The following HTR2C variants were observed in gnomAD, a reference collection of about 807,000 sequenced individuals.
The protein encoded by HTR2C is 5-hydroxytryptamine receptor 2C.
In HTR2C, 5 loss-of-function variants were observed where a neutral mutation model predicts 21.0. The observed-to-expected ratio is 0.24, with a 90% CI of 0.12 to 0.50. The LOEUF (loss-of-function observed/expected upper bound fraction) is 0.50, where lower values mean the gene tolerates loss of function less well. Among genes scored for constraint, HTR2C ranks in the 20% least tolerant of loss-of-function variants. The probability of loss-of-function intolerance (pLI) is 0.98; values close to 1 mark genes in which losing one functional copy is unlikely to be tolerated. For synonymous variants in HTR2C, 150 were observed against 145.3 expected (o/e 1.03, Z -0.23); for missense variants, 271 against 371.2 (o/e 0.73, Z 2.22).
intron 2 of HTR2C, among the ~76,000 whole-genome samples, chrX:114,707,958 A>G (rs1398024631): frequency 9.1e-6 from 1 of 110,451 alleles, no homozygotes; most frequent in East Asian, 2.9e-4. Flanking sequence ...AAAATGTATT[A>G]TAACCGTTTT....
chrX:114,864,771 C>A (rs1379266046), intron 5 of HTR2C, among the ~76,000 whole-genome samples: 1 of 111,654 alleles, frequency 9.0e-6, no homozygotes, highest in Non-Finnish European at 1.9e-5. Flanking sequence ...TAAATTCCCT[C>A]AGCTTTTGCT....
intron 2 of HTR2C, among the ~76,000 whole-genome samples, chrX:114,680,702 A>T (rs916102155): frequency 9.0e-6 from 1 of 111,587 alleles, no homozygotes; most frequent in Non-Finnish European, 1.9e-5. Flanking sequence ...TGTTTCTAAG[A>T]AACAGAATGA....
intron 4 of HTR2C, among the ~76,000 whole-genome samples, chrX:114,787,741 A>G (rs782173258): frequency 9.0e-6 from 1 of 110,796 alleles, no homozygotes; most frequent in South Asian, 3.8e-4. Flanking sequence ...AGGTCAGGAG[A>G]TCGAGACCAT....
chrX:114,670,217 A>T (rs1013471676), intron 2 of HTR2C, among the ~76,000 whole-genome samples: 2 of 111,085 alleles, frequency 1.8e-5, no homozygotes, highest in African/African-American at 6.6e-5. Context: ...ACATGGTGAA[A>T]CCTCGTCTCT....
intron 2 of HTR2C, among the ~76,000 whole-genome samples, chrX:114,659,518 T>C (rs1334342852): frequency 9.0e-6 from 1 of 111,093 alleles, no homozygotes; most frequent in African/African-American, 3.3e-5. Flanking sequence ...TGAAACATTA[T>C]ACAAAATAAT....
At position 114,879,972 on chromosome X, in the gene HTR2C, A is replaced by G. The variant is rs183881961; in HGVS notation, c.551-26617A>G. Among the ~76,000 whole-genome samples, 250 of 110,682 alleles carry G rather than the reference A, an allele frequency of 2.3e-3. 2 individuals carry two copies. The highest frequency in any genetic ancestry group is 3.5e-3 in the Non-Finnish European group (185 of 52,411). Reference sequence around the variant, plus strand: ...TTGATTTGCTTATTTTAGGTGTTCAATTTTGATACTCATTTTCTACTTATT... The same window carrying G: ...TTGATTTGCTTATTTTAGGTGTTCAGTTTTGATACTCATTTTCTACTTATT... On this transcript the variant is annotated intron_variant, in intron 5 of 5. Coordinates refer to ENST00000276198, the MANE Select transcript of HTR2C (RefSeq NM_000868.4).
chrX:114,656,480 G>T (rs1346842457), intron 2 of HTR2C, among the ~76,000 whole-genome samples: 2 of 110,860 alleles, frequency 1.8e-5, no homozygotes, highest in Non-Finnish European at 3.8e-5. Flanking sequence ...AAGGAGTCAG[G>T]TTCTGCTTTT....
chrX:114,888,114 T>C (rs2071234166), intron 5 of HTR2C, among the ~76,000 whole-genome samples: 1 of 112,046 alleles, frequency 8.9e-6, no homozygotes, highest in African/African-American at 3.2e-5. Flanking sequence ...TTTCTCCATG[T>C]ATTTGGCTTT....
Position 114,867,023 on chromosome X carries a change from G to A in HTR2C, c.550+18820G>A, listed in dbSNP as rs182174929. Among the ~76,000 whole-genome samples the A allele has an allele frequency of 2.0e-4, 22 of 111,886 alleles. 1 individual carries two copies. Among genetic ancestry groups the A allele is most frequent in the Admixed American group, 1.5e-3 (16 of 10,507 alleles). On this transcript the variant is annotated intron_variant, in intron 5 of 5. Transcript: ENST00000276198. ...CTTTCTTTTGGGTATGTACCTGGCA[G>A]TGGGATTGCTGGATCATTTGGTAAC...
intron 4 of HTR2C, among the ~76,000 whole-genome samples, chrX:114,784,237 C>G (rs1374382573): frequency 9.8e-6 from 1 of 102,523 alleles, no homozygotes; most frequent in Non-Finnish European, 2.0e-5. Context: ...GGAATTGAAA[C>G]AAAAGGATAT....
intron 4 of HTR2C, among the ~76,000 whole-genome samples, chrX:114,833,750 A>G (rs1556462262): frequency 2.7e-5 from 3 of 110,650 alleles, no homozygotes; most frequent in Admixed American, 1.9e-4. Flanking sequence ...TAGCTTTTGA[A>G]TGTGTTTGCT....
rs1191760255 is a variant in HTR2C, at chrX:114,776,324, T to C, written c.349+44717T>C. 48 of 701,793 alleles carry C rather than the reference T, an allele frequency of 6.8e-5. No homozygotes were observed. The Middle Eastern group carries it at 9.8e-4, about 14-fold the overall frequency. 57.8% of individuals were successfully genotyped at this position (701,793 alleles called of 1,213,427 possible). On this transcript the variant is annotated intron_variant, in intron 4 of 5. Coordinates refer to ENST00000276198, the MANE Select transcript of HTR2C (RefSeq NM_000868.4). ...TTTGGTAGCCTGATGCTGAGAGTTATTAAAGTAAGCTGGCACTGTGACCAC... is the reference window on the plus strand; with the variant it reads ...TTTGGTAGCCTGATGCTGAGAGTTACTAAAGTAAGCTGGCACTGTGACCAC...
intron 2 of HTR2C, among the ~76,000 whole-genome samples, chrX:114,722,475 C>T (rs1326851791): frequency 1.8e-5 from 2 of 111,281 alleles, no homozygotes; most frequent in African/African-American, 3.3e-5. Context: ...GACAATTTGA[C>T]GTCCTCTTTT....
chrX:114,703,855 A>C (rs1438555881), intron 2 of HTR2C, among the ~76,000 whole-genome samples: 1 of 110,419 alleles, frequency 9.1e-6, no homozygotes, highest in Non-Finnish European at 1.9e-5. Flanking sequence ...AAATAGACGC[A>C]ATAAAAAATG....
At chrX:114,624,215 A>T (rs1194700702) in intron 2 of HTR2C, among the ~76,000 whole-genome samples, 1 of 111,097 alleles carries the variant, frequency 9.0e-6, no homozygotes, top group Non-Finnish European at 1.9e-5. Flanking sequence ...GTCTTTTAAT[A>T]GTTGAAGCAA....
chrX:114,901,434 T>C (rs1476097833), intron 5 of HTR2C, among the ~76,000 whole-genome samples: 2 of 111,740 alleles, frequency 1.8e-5, no homozygotes, highest in Non-Finnish European at 3.8e-5. Context: ...ATAGTAGTAG[T>C]AGTTGTAACA....
At chrX:114,606,474 C>T (rs1556396905) in intron 1 of HTR2C, among the ~76,000 whole-genome samples, 1 of 111,523 alleles carries the variant, frequency 9.0e-6, no homozygotes, top group Admixed American at 9.5e-5. Context: ...CTTCCCAGTC[C>T]GTGACCGGCG....
chrX:114,605,665 T>C (rs1928381628), intron 1 of HTR2C, among the ~76,000 whole-genome samples: 1 of 111,308 alleles, frequency 9.0e-6, no homozygotes, highest in Non-Finnish European at 1.9e-5. Flanking sequence ...GAAGCGGCAT[T>C]GCAGAAGAAA....
intron 4 of HTR2C, among the ~76,000 whole-genome samples, chrX:114,795,164 A>G (rs1217407879): frequency 9.0e-6 from 1 of 111,041 alleles, no homozygotes; most frequent in Non-Finnish European, 1.9e-5. Flanking sequence ...TTTTGGCTGC[A>G]TAAATGTCTT....
Sources: allele counts gnomAD v4.1 joint callset (sites outside exome capture counted in the v4.1 genomes callset), GRCh38; gene constraint gnomAD v4.1.1; transcripts MANE v1.5; gene names NCBI Gene and HGNC (gene_info 2026-07-23, HGNC 2026-07-21).